The following FAT3 variants were observed in gnomAD, a reference collection of about 807,000 sequenced individuals.
FAT3 encodes the protein FAT atypical cadherin 3, also known as protocadherin Fat 3.
FAT3 carries 95 observed loss-of-function variants against 310.2 expected under a neutral mutation model. That is an observed-to-expected ratio of 0.31 (90% CI 0.26 to 0.36). FAT3 has a LOEUF of 0.36. Among genes scored for constraint, FAT3 ranks in the 10% least tolerant of loss-of-function variants. The pLI is 1.00. For synonymous variants in FAT3, 2,314 were observed against 2,192.9 expected (o/e 1.06, Z -1.54); for missense variants, 5,408 against 5,715.6 (o/e 0.95, Z 1.74).
At chr11:92,636,087 C>A (rs1941758536) in intron 3 of FAT3, among the ~76,000 whole-genome samples, 1 of 152,232 alleles carries the variant, frequency 6.6e-6, no homozygotes, top group East Asian at 1.9e-4. Context: ...CCTCAGCCTC[C>A]CGAGTAACTG....
intron 3 of FAT3, among the ~76,000 whole-genome samples, chr11:92,661,450 A>G (rs1477617520): frequency 6.6e-6 from 1 of 152,174 alleles, no homozygotes; most frequent in Non-Finnish European, 1.5e-5. Context: ...AATAAATTCA[A>G]TTCCAAGATC....
intron 13 of FAT3, among the ~76,000 whole-genome samples, chr11:92,824,983 GT>G (rs1052387333): frequency 1.3e-5 from 2 of 152,020 alleles, no homozygotes; most frequent in South Asian, 2.1e-4. Context: ...GTAAGTACCA[GT>G]TTTTTTTCAC....
chr11:92,473,480 A>G lies in FAT3; in HGVS notation c.3293-51154A>G, dbSNP rs193007576. On this transcript the variant is annotated intron_variant, in intron 2 of 27. Transcript: ENST00000525166. ...ACAATTATTTTGAAATTTTATCATC[A>G]TTGAGAGTATTTGGAACATCACCTC... is the stretch of plus-strand genomic sequence containing the variant. 9.2e-5 allele frequency among the ~76,000 whole-genome samples: 14 copies of G among 152,244 alleles called. 1 individual carries two copies. Among genetic ancestry groups the G allele is most frequent in the Admixed American group, 7.2e-4 (11 of 15,276 alleles).
At position 92,373,194 on chromosome 11, in the gene FAT3, C is replaced by T. The variant is rs80247831; in HGVS notation, c.3292+17790C>T. On this transcript the variant is annotated intron_variant, in intron 2 of 27. Coordinates refer to ENST00000525166, the MANE Select transcript of FAT3 (RefSeq NM_001367949.2). ...CTCCTCTTCCTTAGCACCATCACCA[C>T]TATCGTCTAGTACTTACTGAGAGCA... 1.5e-3 allele frequency among the ~76,000 whole-genome samples: 231 copies of T among 152,262 alleles called. 1 individual carries two copies. The highest frequency in any genetic ancestry group is 2.6e-3 in the Non-Finnish European group (177 of 68,012).
chr11:92,354,927 A>G lies in FAT3; in HGVS notation c.2815A>G (p.Ser939Gly). Residue 939 changes from serine to glycine, a missense_variant, in exon 2 of 28, where the codon AGT becomes GGT. Ser to Gly is a moderately conservative substitution (Grantham distance 56). Coordinates refer to ENST00000525166, the MANE Select transcript of FAT3 (RefSeq NM_001367949.2). ...VNDCSPAFIP[S>G]SYSVKVLEDL... ...TGACTGCTCCCCAGCTTTCATTCCC[A>G]GTAGCTATAGTGTGAAGGTTCTTGA... is the stretch of plus-strand genomic sequence containing the variant. The G allele has an allele frequency of 6.2e-7, 1 of 1,613,868 alleles. No homozygotes were observed. The highest frequency in any genetic ancestry group is 1.3e-5 in the African/African-American group (1 of 75,036).
At chr11:92,886,874 A>G in intron 24 of FAT3, 126 bp from the exon 25 acceptor site, 1 of 719,248 alleles carries the variant, frequency 1.4e-6, no homozygotes, top group Non-Finnish European at 2.3e-6. Context: ...CTGTGGAGCT[A>G]AATTATTTTC....
At chr11:92,432,466 G>T (rs1950812266) in intron 2 of FAT3, among the ~76,000 whole-genome samples, 1 of 152,110 alleles carries the variant, frequency 6.6e-6, no homozygotes, top group Non-Finnish European at 1.5e-5. Context: ...CCTTTTTGTT[G>T]ATGTTCATGC....
At chr11:92,857,424 C>A in intron 20 of FAT3, 76 bp downstream of exon 20, 1 of 1,577,302 alleles carries the variant, frequency 6.3e-7, no homozygotes, top group Non-Finnish European at 8.6e-7. Flanking sequence ...ATTACACCAT[C>A]CAAGTCCTCC....
intron 1 of FAT3, among the ~76,000 whole-genome samples, chr11:92,333,315 A>C (rs1325111946): frequency 6.6e-6 from 1 of 152,188 alleles, no homozygotes; most frequent in Non-Finnish European, 1.5e-5. Context: ...AATATTTATT[A>C]TAATAGTGAT....
Position 92,890,852 on chromosome 11 carries a change from G to T in FAT3, c.13509G>T (p.Thr4503=), listed in dbSNP as rs1197513225. The T allele has an allele frequency of 6.2e-7, 1 of 1,613,956 alleles. No individual in the cohort carries two copies. The highest frequency in any genetic ancestry group is 1.1e-5 in the South Asian group (1 of 91,074). The change falls in exon 28 of 28, where the codon ACG becomes ACT. Residue 4503 remains threonine, a synonymous_variant. Transcript: ENST00000525166. ...YLPPHPFPNE[T]DLVGPPASCE... is the part of the protein sequence containing the mutation. ...CTCCTCACCCATTCCCCAACGAAAC[G>T]GATTTGGTGGGCCCGCCTGCCAGCT...
In FAT3 at chr11:92,272,579, G is replaced by A. The variant is rs117841653; in HGVS notation, c.-18+47405G>A. ...TAGAAAGAAACAAGCAAAATGTGATGGATATTTAAAGGGGGGAAATCACAA... is the reference window on the plus strand; with the variant it reads ...TAGAAAGAAACAAGCAAAATGTGATAGATATTTAAAGGGGGGAAATCACAA... On this transcript the variant is annotated intron_variant, in intron 1 of 27. Coordinates refer to ENST00000525166, the MANE Select transcript of FAT3 (RefSeq NM_001367949.2). 2.7e-4 allele frequency among the ~76,000 whole-genome samples: 41 copies of A among 152,090 alleles called. No homozygotes were observed. The East Asian group carries it at 6.0e-3, about 22-fold the overall frequency.
At chr11:92,595,144 G>A (rs537554716) in intron 3 of FAT3, among the ~76,000 whole-genome samples, 16 of 152,008 alleles carry the variant, frequency 1.1e-4, no homozygotes, top group Admixed American at 9.2e-4. Context: ...GCTTCTGTTT[G>A]GCAGGGATAA....
intron 22 of FAT3, among the ~76,000 whole-genome samples, chr11:92,876,990 A>T (rs1949548645): frequency 6.6e-6 from 1 of 152,142 alleles, no homozygotes; most frequent in African/African-American, 2.4e-5. Context: ...CTTTTTGGCC[A>T]CTTCAGGGTA....
At chr11:92,776,735 A>G (rs1406577702) in intron 7 of FAT3, among the ~76,000 whole-genome samples, 2 of 152,208 alleles carry the variant, frequency 1.3e-5, no homozygotes, top group Non-Finnish European at 2.9e-5. Context: ...GAAGGGTGCC[A>G]AGAGATTTTC....
At chr11:92,687,419 A>G (rs1020384175) in intron 3 of FAT3, among the ~76,000 whole-genome samples, 1 of 152,164 alleles carries the variant, frequency 6.6e-6, no homozygotes, top group African/African-American at 2.4e-5. Context: ...TTGACTTTTC[A>G]CAACTTCTCT....
rs755056359 is a variant in FAT3 at position 92,524,959 on chromosome 11, G to A, written c.3607+11G>A. ...TCAATATCAAAACAGGTAAGGGAAT[G>A]CTTATATGACTTCTTTTTAGTTTGT... On this transcript the variant is annotated intron_variant, in intron 3 of 27. Transcript: ENST00000525166. The A allele has an allele frequency of 1.7e-5, 28 of 1,606,668 alleles. No individual in the cohort carries two copies. The highest frequency in any genetic ancestry group is 2.4e-5 in the Non-Finnish European group (28 of 1,174,944).
chr11:92,278,438 A>G (rs1466285091), intron 1 of FAT3, among the ~76,000 whole-genome samples: 1 of 151,934 alleles, frequency 6.6e-6, no homozygotes, highest in Non-Finnish European at 1.5e-5. Flanking sequence ...TATACCTTTG[A>G]GTTTTGCTGG....
At chr11:92,518,285 C>G (rs2135337251) in intron 2 of FAT3, among the ~76,000 whole-genome samples, 1 of 152,216 alleles carries the variant, frequency 6.6e-6, no homozygotes, top group Admixed American at 6.5e-5. Flanking sequence ...CAATGATAGA[C>G]TGGTTAAAGA....
chr11:92,843,977 T>A lies in FAT3; in HGVS notation c.10610T>A (p.Ile3537Asn). 6.2e-7 allele frequency: 1 copy of A among 1,613,164 alleles called. No individual in the cohort carries two copies. The highest frequency in any genetic ancestry group is 8.5e-7 in the Non-Finnish European group (1 of 1,179,294). ...GKPQQVSHTY[I>N]RVRVIEESTH... ...CCCCAGCAAGTTTCTCACACTTACA[T>A]CCGCGTGCGAGTCATTGAGGAAAGC... Residue 3537 changes from isoleucine (I) to asparagine (N), a missense_variant, in exon 19 of 28, where the codon ATC becomes AAC. Coordinates refer to ENST00000525166, the MANE Select transcript of FAT3 (RefSeq NM_001367949.2).
Sources: gnomAD v4.1 joint callset for allele counts (sites outside exome capture counted in the v4.1 genomes callset) on GRCh38, gnomAD v4.1.1 for gene constraint, MANE v1.5 for transcripts, NCBI Gene and HGNC (gene_info 2026-07-23, HGNC 2026-07-21) for gene names.